Variants in ANKRD17 observed in about 807,000 individuals in gnomAD.
ANKRD17 encodes ankyrin repeat domain-containing protein 17.
ANKRD17 carries 19 observed loss-of-function variants against 229.7 expected under a neutral mutation model. That is an observed-to-expected ratio of 0.08 (90% CI 0.06 to 0.12). ANKRD17 has a LOEUF of 0.12. ANKRD17 is among the 10% of genes least tolerant of loss of function. The pLI, the probability that ANKRD17 is intolerant of heterozygous loss-of-function variation, is 1.00. For missense variants in ANKRD17, 2,176 were observed against 3,176.8 expected (o/e 0.68, Z 7.57); for synonymous variants, 1,112 against 1,146.1 (o/e 0.97, Z 0.60).
rs1194030429 is a variant in ANKRD17, at chr4:73,151,537, T to C, written c.1235-13A>G. ...ATCTCTAAGTGTCCTAAACCAAAAG[T>C]GTACAAGATTACTTGAAAATATTTT... On this transcript the variant is annotated splice_polypyrimidine_tract_variant and intron_variant, in intron 6 of 33. Transcript: ENST00000358602. The C allele has an allele frequency of 6.7e-7, 1 of 1,487,954 alleles. No homozygotes were observed. Among genetic ancestry groups the C allele is most frequent in the Non-Finnish European group, 9.0e-7 (1 of 1,112,576 alleles). 92.2% of individuals were successfully genotyped at this position (1,487,954 alleles called of 1,614,324 possible).
intron 8 of ANKRD17, 116 bp downstream of exon 8, chr4:73,148,697 G>C: frequency 1.1e-6 from 1 of 906,062 alleles, no homozygotes; most frequent in Non-Finnish European, 1.7e-6. Flanking sequence ...TCACTGGTTT[G>C]TGTAATAGCT....
At chr4:73,193,831 C>G (rs1358680280) in intron 1 of ANKRD17, among the ~76,000 whole-genome samples, 1 of 152,050 alleles carries the variant, frequency 6.6e-6, no homozygotes, top group Non-Finnish European at 1.5e-5. Flanking sequence ...GTACTCGGGG[C>G]TGGGGCAGGA....
chr4:73,083,361 T>G (rs1721764683), intron 30 of ANKRD17, among the ~76,000 whole-genome samples: 1 of 152,216 alleles, frequency 6.6e-6, no homozygotes, highest in Non-Finnish European at 1.5e-5. Context: ...AAAATATCCT[T>G]ATTCTTAAGT....
chr4:73,213,592 G>C (rs1740613131), intron 1 of ANKRD17, among the ~76,000 whole-genome samples: 1 of 152,186 alleles, frequency 6.6e-6, no homozygotes, highest in Admixed American at 6.5e-5. Flanking sequence ...GAAAGACAGA[G>C]ATGTACAGAT....
intron 22 of ANKRD17, 52 bp downstream of exon 22, chr4:73,118,625 AGCCATGTACTT>A: frequency 1.3e-6 from 2 of 1,565,650 alleles, no homozygotes; most frequent in South Asian, 2.3e-5. Context: ...GTGATCACTA[AGCCATGTACTT>A]CCTAGTGTAA....
chr4:73,121,201 T>C, intron 19 of ANKRD17, 107 bp from the exon 20 acceptor site: 1 of 1,023,082 alleles, frequency 9.8e-7, no homozygotes, highest in South Asian at 1.4e-5. Context: ...TGAAGGATTG[T>C]TTAAAATATC....
intron 27 of ANKRD17, among the ~76,000 whole-genome samples, chr4:73,095,070 A>G (rs1001747595): frequency 3.9e-5 from 6 of 152,194 alleles, no homozygotes; most frequent in African/African-American, 1.4e-4. Flanking sequence ...GCTACTCAGG[A>G]GGCTGAGGCA....
At chr4:73,189,449 T>C (rs1736753033) in intron 1 of ANKRD17, among the ~76,000 whole-genome samples, 1 of 123,888 alleles carries the variant, frequency 8.1e-6, no homozygotes, top group African/African-American at 3.2e-5. Flanking sequence ...TCTGTTGGAG[T>C]GCAGTGGCGC....
At chr4:73,123,741 T>A (rs1180360948) in intron 18 of ANKRD17, among the ~76,000 whole-genome samples, 2 of 151,968 alleles carry the variant, frequency 1.3e-5, no homozygotes, top group Non-Finnish European at 2.9e-5. Context: ...TAGTTTATTT[T>A]AAAAATCTAG....
At chr4:73,183,630 G>C (rs1340492330) in intron 1 of ANKRD17, among the ~76,000 whole-genome samples, 6 of 151,918 alleles carry the variant, frequency 3.9e-5, no homozygotes, top group Non-Finnish European at 7.4e-5. Flanking sequence ...CATGATACCA[G>C]GCCCACCTAG....
intron 24 of ANKRD17, chr4:73,113,028 T>C: frequency 1.0e-6 from 1 of 1,005,016 alleles, no homozygotes; most frequent in African/African-American, 1.7e-5. Flanking sequence ...CCTCAGGTGA[T>C]GTGCCCGCCT....
chr4:73,179,518 A>ATATATATATTTTTT (rs1192164276), intron 1 of ANKRD17, among the ~76,000 whole-genome samples: 7 of 40,782 alleles, frequency 1.7e-4, no homozygotes, highest in Non-Finnish European at 2.8e-4. Flanking sequence ...ATATATATAT[A>ATATATATATTTTTT]TTTTTTTTTT....
chr4:73,152,017 C>T (rs1291896993), intron 6 of ANKRD17, among the ~76,000 whole-genome samples: 4 of 151,952 alleles, frequency 2.6e-5, no homozygotes, highest in African/African-American at 9.7e-5. Context: ...CTTCAAACCA[C>T]ACCATTTAAT....
At chr4:73,248,536 T>C (rs1476182578) in intron 1 of ANKRD17, among the ~76,000 whole-genome samples, 1 of 152,036 alleles carries the variant, frequency 6.6e-6, no homozygotes, top group Non-Finnish European at 1.5e-5. Flanking sequence ...TTTTGCTAGA[T>C]GTTAATAATG....
Position 73,077,632 on chromosome 4 carries a change from A to G in ANKRD17, c.7409-99T>C, listed in dbSNP as rs896840395. 3 of 1,057,308 alleles carry G rather than the reference A, an allele frequency of 2.8e-6. No individual in the cohort carries two copies. The East Asian group carries it at 8.6e-5, about 30-fold the overall frequency. The allele number at this position is 1,057,308 out of a possible 1,614,324, so 65.5% of individuals were successfully genotyped here. ...TATTTTCCACATTGAACCGTAAATTATTTCAATATAATGACCTACTTTTAT... is the reference window on the plus strand; with the variant it reads ...TATTTTCCACATTGAACCGTAAATTGTTTCAATATAATGACCTACTTTTAT... On this transcript the variant is annotated intron_variant, in intron 31 of 33. Transcript: ENST00000358602.
At chr4:73,169,181 T>A (rs771250790) in intron 2 of ANKRD17, 7 of 152,138 alleles carry the variant, frequency 4.6e-5, no homozygotes, top group Non-Finnish European at 1.0e-4. Context: ...GTTGATTCAT[T>A]AACATTGAAC....
intron 2 of ANKRD17, among the ~76,000 whole-genome samples, chr4:73,171,793 T>C (rs568149606): frequency 2.6e-4 from 39 of 151,272 alleles, no homozygotes; most frequent in African/African-American, 9.0e-4. Context: ...TGCATCAGAG[T>C]CTCTTAATAG....
intron 22 of ANKRD17, 89 bp from the exon 23 acceptor site, chr4:73,116,005 G>A (rs2148670021): frequency 9.4e-7 from 1 of 1,058,282 alleles, no homozygotes; most frequent in East Asian, 2.4e-5. Context: ...GTTAAGATTA[G>A]GGCCACAAAG....
chr4:73,124,876 G>C, intron 18 of ANKRD17, 37 bp downstream of exon 18: 2 of 1,600,464 alleles, frequency 1.2e-6, no homozygotes, highest in South Asian at 1.1e-5. Context: ...TTGCTAAACA[G>C]AGAAAGGAAA....
Sources: allele counts gnomAD v4.1 joint callset (sites outside exome capture counted in the v4.1 genomes callset), GRCh38; gene constraint gnomAD v4.1.1; transcripts MANE v1.5; gene names NCBI Gene and HGNC (gene_info 2026-07-23, HGNC 2026-07-21).